NEMP2: variants seen among roughly 807,000 people sequenced by gnomAD.
The protein encoded by NEMP2 is nuclear envelope integral membrane protein 2.
A neutral mutation model predicts 54.2 loss-of-function variants in NEMP2; 53 were observed. That is an observed-to-expected ratio of 0.98 (90% CI 0.78 to 1.23). The LOEUF (loss-of-function observed/expected upper bound fraction) is 1.23. Among genes scored for constraint, NEMP2 ranks in the 50% most tolerant of loss-of-function variants. NEMP2 has a pLI of 0.00. For synonymous variants in NEMP2, 197 were observed against 190.3 expected, an observed-to-expected ratio of 1.04 and a Z score of -0.29; for missense variants, 455 against 511.3, an observed-to-expected ratio of 0.89 and a Z score of 1.06.
the NEMP2 span, among the ~76,000 whole-genome samples, chr2:190,597,186 C>T: frequency 6.6e-6 from 1 of 151,454 alleles, no homozygotes; most frequent in Non-Finnish European, 1.5e-5. The surrounding 1 kb of genome is among the most constrained non-coding windows in gnomAD (Gnocchi z 4.7). Flanking sequence ...ATCGCTTGGG[C>T]CCTGGGGAGT....
downstream of NEMP2, chr2:190,501,439 A>G (rs750365736): frequency 6.6e-6 from 1 of 152,222 alleles, no homozygotes; most frequent in Non-Finnish European, 1.5e-5. Context: ...GATCGCACGT[A>G]AAGCTTGCCA....
At chr2:190,436,585 A>G in the NEMP2 span, 1 of 1,614,012 alleles carries the variant, frequency 6.2e-7, no homozygotes, top group African/African-American at 1.3e-5. The surrounding 1 kb of genome is among the most constrained non-coding windows in gnomAD (Gnocchi z 5.3). Flanking sequence ...TTCTTCCTTT[A>G]CCTCTTTCCT....
the NEMP2 span, among the ~76,000 whole-genome samples, chr2:190,445,129 G>C: frequency 5.1e-4 from 78 of 152,168 alleles, no homozygotes; most frequent in African/African-American, 1.8e-3. Context: ...GACAATCTTG[G>C]GCCTGCTGTG....
At chr2:190,534,271 G>A in intron 1 of NEMP2, 6 of 1,145,336 alleles carry the variant, frequency 5.2e-6, no homozygotes, top group Non-Finnish European at 5.4e-6. Flanking sequence ...AAACCTCTCT[G>A]AGTTTCGGTT....
chr2:190,486,587 G>C, the NEMP2 span, among the ~76,000 whole-genome samples: 10 of 152,192 alleles, frequency 6.6e-5, no homozygotes, highest in African/African-American at 2.4e-4. Flanking sequence ...CCTTGTTGCT[G>C]ATGTCCCTCA....
chr2:190,540,407 C>T, the NEMP2 span, among the ~76,000 whole-genome samples: 3 of 152,172 alleles, frequency 2.0e-5, no homozygotes, highest in Admixed American at 1.3e-4. Context: ...CCTCAGCCTC[C>T]TGAGTAGCTG....
At chr2:190,430,394 A>G in the NEMP2 span, among the ~76,000 whole-genome samples, 2 of 150,550 alleles carry the variant, frequency 1.3e-5, no homozygotes, top group Non-Finnish European at 3.0e-5. Flanking sequence ...GAGATTAGGG[A>G]GTGGTGATGA....
chr2:190,474,364 T>TA, the NEMP2 span, among the ~76,000 whole-genome samples: 1 of 151,886 alleles, frequency 6.6e-6, no homozygotes, highest in African/African-American at 2.4e-5. Flanking sequence ...ATAGACGCAA[T>TA]AAAAAATGAT....
At chr2:190,479,728 A>T in the NEMP2 span, among the ~76,000 whole-genome samples, 1 of 152,158 alleles carries the variant, frequency 6.6e-6, no homozygotes, top group African/African-American at 2.4e-5. Context: ...GGCTGCTATA[A>T]CTAAAGAGGT....
the NEMP2 span, among the ~76,000 whole-genome samples, chr2:190,467,521 G>A: frequency 3.9e-5 from 6 of 152,168 alleles, no homozygotes; most frequent in Admixed American, 6.5e-5. The surrounding 1 kb of genome is among the most constrained non-coding windows in gnomAD (Gnocchi z 5.5). Context: ...GCTGAGGCGG[G>A]AGAATTGCTT....
the NEMP2 span, chr2:190,444,955 G>T: frequency 1.6e-6 from 1 of 623,624 alleles, no homozygotes; most frequent in Non-Finnish European, 2.0e-6. Flanking sequence ...AGCATACTGG[G>T]TAACAAATTT....
the NEMP2 span, among the ~76,000 whole-genome samples, chr2:190,560,707 G>A: frequency 2.6e-5 from 4 of 152,152 alleles, no homozygotes; most frequent in African/African-American, 9.7e-5. This position sits in a 1 kb window ranked among gnomAD's most constrained non-coding sequence, Gnocchi z 5.4. Flanking sequence ...ACCAAAAAAT[G>A]TTAATTAGTC....
At chr2:190,428,354 T>TA in the NEMP2 span, among the ~76,000 whole-genome samples, 1 of 152,186 alleles carries the variant, frequency 6.6e-6, no homozygotes, top group Admixed American at 6.5e-5. Context: ...CATAGGGTCT[T>TA]ACACTCAGGA....
chr2:190,606,370 A>G, the NEMP2 span, among the ~76,000 whole-genome samples: 2 of 152,298 alleles, frequency 1.3e-5, no homozygotes, highest in African/African-American at 4.8e-5. Flanking sequence ...TTAGTTCCTC[A>G]TTTCGAACAT....
chr2:190,472,941 T>C, the NEMP2 span, among the ~76,000 whole-genome samples: 11 of 152,162 alleles, frequency 7.2e-5, no homozygotes, highest in Admixed American at 7.2e-4. Context: ...TCAACATTCT[T>C]AAAGGAAAGA....
the NEMP2 span, among the ~76,000 whole-genome samples, chr2:190,575,144 C>T: frequency 8.5e-4 from 129 of 152,124 alleles, no homozygotes; most frequent in African/African-American, 2.8e-3. Context: ...TGTGAGCCAC[C>T]GTGCCCAGCC....
At chr2:190,503,253 T>C (rs927582619), downstream of NEMP2, among the ~76,000 whole-genome samples, 1 of 152,236 alleles carries the variant, frequency 6.6e-6, no homozygotes, top group Non-Finnish European at 1.5e-5. The surrounding 1 kb of genome is among the most constrained non-coding windows in gnomAD (Gnocchi z 6.3). Flanking sequence ...GTAGGGACTC[T>C]GGCCAGGGCC....
At chr2:190,515,763 TTAAAA>T (rs1203195497) in intron 6 of NEMP2, among the ~76,000 whole-genome samples, 5 of 152,214 alleles carry the variant, frequency 3.3e-5, no homozygotes, top group Admixed American at 6.5e-5. Context: ...TATTTTCTAG[TTAAAA>T]TAAACAATAA....
At chr2:190,549,951 G>C in the NEMP2 span, among the ~76,000 whole-genome samples, 3 of 152,180 alleles carry the variant, frequency 2.0e-5, no homozygotes, top group Non-Finnish European at 4.4e-5. Flanking sequence ...GAACTAGAAA[G>C]CCTGTCTACT....
Sources: gnomAD v4.1 joint callset for allele counts (sites outside exome capture counted in the v4.1 genomes callset) on GRCh38, gnomAD v4.1.1 for gene constraint, Gnocchi (gnomAD v3.1) non-coding constraint, MANE v1.5 for transcripts, NCBI Gene and HGNC (gene_info 2026-07-23, HGNC 2026-07-21) for gene names.